The following ENTPD7 variants were observed in gnomAD, a reference collection of about 807,000 sequenced individuals.
ENTPD7 encodes ectonucleoside triphosphate diphosphohydrolase 7, also known as NTPDase 7.
In ENTPD7, 53 loss-of-function variants were observed where a neutral mutation model predicts 77.9. That is an observed-to-expected ratio of 0.68 (90% CI 0.55 to 0.85). The LOEUF is 0.85. Among genes scored for constraint, ENTPD7 ranks in the 40% least tolerant of loss-of-function variants. The probability of loss-of-function intolerance (pLI) is 0.00; values close to 1 mark genes in which losing one functional copy is unlikely to be tolerated. For missense variants in ENTPD7, 636 were observed against 743.7 expected (o/e 0.86, Z 1.68); for synonymous variants, 248 against 274.9 (o/e 0.90, Z 0.97).
Position 99,659,762 on chromosome 10 carries a change from C to T in ENTPD7, c.-95-100C>T. The T allele has an allele frequency of 1.5e-6, 1 of 682,868 alleles. No individual in the cohort carries two copies. Among genetic ancestry groups the T allele is most frequent in the Non-Finnish European group, 2.4e-6 (1 of 417,666 alleles). 42.3% of individuals were successfully genotyped at this position (682,868 alleles called of 1,614,324 possible). A position where few individuals can be genotyped will look rare whatever the true frequency, so the allele number is the denominator to read the frequency against. ...CCTGGGCCTGAGGAACCAGAGCAGA[C>T]GGAGCGGGAGCCTGGGGAGGAGGTG... On this transcript the variant is annotated intron_variant, in intron 1 of 12. Coordinates refer to ENST00000370489, the MANE Select transcript of ENTPD7 (RefSeq NM_020354.5). This position sits in a 1 kb window ranked among gnomAD's most constrained non-coding sequence, Gnocchi z 4.1.
At chr10:99,674,651 A>G (rs1461332334) in intron 3 of ENTPD7, among the ~76,000 whole-genome samples, 1 of 152,252 alleles carries the variant, frequency 6.6e-6, no homozygotes, top group African/African-American at 2.4e-5. Context: ...AAGGCGGAAT[A>G]ATATATCATT....
Position 99,659,775 on chromosome 10 carries a change from T to G in ENTPD7, c.-95-87T>G. ...AACCAGAGCAGACGGAGCGGGAGCC[T>G]GGGGAGGAGGTGGGAGCCGTGGAAT... On this transcript the variant is annotated intron_variant, in intron 1 of 12. Coordinates refer to ENST00000370489, the MANE Select transcript of ENTPD7 (RefSeq NM_020354.5). The surrounding 1 kb of genome is among the most constrained non-coding windows in gnomAD (Gnocchi z 4.1). 1 of 750,518 alleles carries G rather than the reference T, an allele frequency of 1.3e-6. No individual in the cohort carries two copies. Among genetic ancestry groups the G allele is most frequent in the Non-Finnish European group, 2.1e-6 (1 of 470,138 alleles). The allele number at this position is 750,518 out of a possible 1,614,324, so 46.5% of individuals were successfully genotyped here.
intron 3 of ENTPD7, among the ~76,000 whole-genome samples, chr10:99,666,498 C>T (rs117821206): frequency 6.6e-6 from 1 of 152,172 alleles, no homozygotes; most frequent in Admixed American, 6.5e-5. Context: ...CATGAGCCAT[C>T]GTGCCCAGCC....
At chr10:99,668,242 A>G (rs985936556) in intron 3 of ENTPD7, among the ~76,000 whole-genome samples, 1 of 152,074 alleles carries the variant, frequency 6.6e-6, no homozygotes, top group Non-Finnish European at 1.5e-5. Flanking sequence ...GCCATTAATG[A>G]TAATTTTAAA....
In ENTPD7 at chr10:99,711,077, G is replaced by A; in HGVS notation, c.*6394G>A. 1 of 969,856 alleles carries A rather than the reference G, an allele frequency of 1.0e-6. No individual in the cohort carries two copies. Among genetic ancestry groups the A allele is most frequent in the Non-Finnish European group, 1.2e-6 (1 of 825,302 alleles). The allele number at this position is 969,856 out of a possible 1,614,324, so 60.1% of individuals were successfully genotyped here. A position where few individuals can be genotyped will look rare whatever the true frequency, so the allele number is the denominator to read the frequency against. ...TAATTCAATATTTGATATGTGTCTG[G>A]GAGTGCTGGGAATAACATAAATACA... On this transcript the variant is annotated 3_prime_UTR_variant, in exon 13 of 13. Coordinates refer to ENST00000370489, the MANE Select transcript of ENTPD7 (RefSeq NM_020354.5).
rs2036296680 is a variant in ENTPD7 at position 99,708,569 on chromosome 10, G to A, written c.*3886G>A. Among the ~76,000 whole-genome samples the A allele has an allele frequency of 6.6e-6, 1 of 152,108 alleles. No individual in the cohort carries two copies. Among genetic ancestry groups the A allele is most frequent in the Non-Finnish European group, 1.5e-5 (1 of 68,010 alleles). ...ATTAGAAACTAAAGGCAGAAGACAA[G>A]GTAGAAAAATCATATGATTTTGGGA... On this transcript the variant is annotated 3_prime_UTR_variant, in exon 13 of 13. Transcript: ENST00000370489.
At chr10:99,667,105 G>A (rs2035560009) in intron 3 of ENTPD7, among the ~76,000 whole-genome samples, 2 of 152,238 alleles carry the variant, frequency 1.3e-5, no homozygotes, top group Non-Finnish European at 2.9e-5. Context: ...ATTGAAACAA[G>A]TTAGCAATAG....
chr10:99,703,484 AT>A (rs1158270433), intron 12 of ENTPD7, among the ~76,000 whole-genome samples: 2 of 152,138 alleles, frequency 1.3e-5, no homozygotes, highest in Admixed American at 6.5e-5. Flanking sequence ...AGAAATCCAT[AT>A]TTTTTATGAA....
At chr10:99,699,086 T>C (rs2036051509) in intron 10 of ENTPD7, among the ~76,000 whole-genome samples, 1 of 152,232 alleles carries the variant, frequency 6.6e-6, no homozygotes, top group Non-Finnish European at 1.5e-5. Flanking sequence ...ATGGATGTCA[T>C]ACCACCCAAA....
At position 99,709,163 on chromosome 10, in the gene ENTPD7, G is replaced by C; in HGVS notation, c.*4480G>C. On this transcript the variant is annotated 3_prime_UTR_variant, in exon 13 of 13. Coordinates refer to ENST00000370489, the MANE Select transcript of ENTPD7 (RefSeq NM_020354.5). ...ATTAGATGACTACAGCCTAGATGAA[G>C]GTATAAATGCCTATTACATCTACCT... 1.0e-6 allele frequency: 1 copy of C among 985,058 alleles called. No homozygotes were observed. The allele number at this position is 985,058 out of a possible 1,614,324, so 61.0% of individuals were successfully genotyped here.
Position 99,706,357 on chromosome 10 carries a change from A to AG in ENTPD7, c.*1677dup, listed in dbSNP as rs2036253034. ...GTTCCTTTTTTTTTTTCTTGGAGAC[A>AG]GGGCCTCACGCTGTCACCCAGGCTG... On this transcript the variant is annotated 3_prime_UTR_variant, in exon 13 of 13. Coordinates refer to ENST00000370489, the MANE Select transcript of ENTPD7 (RefSeq NM_020354.5). 1 of 151,544 alleles carries AG rather than the reference A, an allele frequency of 6.6e-6. No individual in the cohort carries two copies. Among genetic ancestry groups the AG allele is most frequent in the South Asian group, 2.1e-4 (1 of 4,794 alleles). 9.4% of individuals were successfully genotyped at this position (151,544 alleles called of 1,614,324 possible). A position where few individuals can be genotyped will look rare whatever the true frequency, so the allele number is the denominator to read the frequency against.
chr10:99,677,700 T>C (rs1343402959), intron 3 of ENTPD7, among the ~76,000 whole-genome samples: 1 of 152,164 alleles, frequency 6.6e-6, no homozygotes, highest in East Asian at 1.9e-4. Flanking sequence ...CTCTTAGTCT[T>C]CTTTATTTTC....
chr10:99,694,309 G>T (rs937795019), intron 8 of ENTPD7, among the ~76,000 whole-genome samples: 2 of 152,058 alleles, frequency 1.3e-5, no homozygotes, highest in Admixed American at 6.6e-5. Flanking sequence ...TTTATGTCTG[G>T]CTTCTTTTAT....
In ENTPD7 at chr10:99,702,923, CTTTA is replaced by C. The variant is rs72385091; in HGVS notation, c.1583+254_1583+257del. Among the ~76,000 whole-genome samples, 232 of 152,280 alleles carry C rather than the reference CTTTA, an allele frequency of 1.5e-3. 1 individual carries two copies. Among genetic ancestry groups the C allele is most frequent in the African/African-American group, 5.4e-3 (225 of 41,554 alleles). On this transcript the variant is annotated intron_variant, in intron 12 of 12. Transcript: ENST00000370489. ...CAGCTTTGCTGTTTCAGAAATCCAG[CTTTA>C]TTTGTTTACTCACAACAAACCAGTC... is the stretch of plus-strand genomic sequence containing the variant.
intron 7 of ENTPD7, among the ~76,000 whole-genome samples, chr10:99,690,956 T>C (rs2035874942): frequency 6.6e-6 from 1 of 152,208 alleles, no homozygotes; most frequent in Non-Finnish European, 1.5e-5. Flanking sequence ...ATTCTTTGTG[T>C]AATATATAGT....
Position 99,710,735 on chromosome 10 carries a change from A to T in ENTPD7, c.*6052A>T. 3.0e-6 allele frequency: 3 copies of T among 985,424 alleles called. No individual in the cohort carries two copies. The highest frequency in any genetic ancestry group is 3.6e-6 in the Non-Finnish European group (3 of 829,926). The allele number at this position is 985,424 out of a possible 1,614,324, so 61.0% of individuals were successfully genotyped here. A position where few individuals can be genotyped will look rare whatever the true frequency, so the allele number is the denominator to read the frequency against. ...AAGGGTAGCTGTAGATAAACTGGTT[A>T]TCCTAAAATCATGATTATCAGTGTT... On this transcript the variant is annotated 3_prime_UTR_variant, in exon 13 of 13. Transcript: ENST00000370489.
intron 3 of ENTPD7, among the ~76,000 whole-genome samples, chr10:99,667,334 G>A (rs972287812): frequency 5.9e-5 from 9 of 152,206 alleles, no homozygotes; most frequent in African/African-American, 2.2e-4. Context: ...CTCTATGATA[G>A]CACTGGAGTA....
intron 3 of ENTPD7, among the ~76,000 whole-genome samples, chr10:99,679,019 C>T (rs191168269): frequency 1.3e-5 from 2 of 151,792 alleles, no homozygotes; most frequent in Non-Finnish European, 2.9e-5. Context: ...AGAGCTGCCC[C>T]CACACGTGGG....
chr10:99,667,952 T>TG (rs2035571526), intron 3 of ENTPD7, among the ~76,000 whole-genome samples: 1 of 147,290 alleles, frequency 6.8e-6, no homozygotes, highest in Non-Finnish European at 1.5e-5. Flanking sequence ...TTTTTTTTTT[T>TG]GAGACAGAGT....
Sources: gnomAD v4.1 joint callset for allele counts (sites outside exome capture counted in the v4.1 genomes callset) on GRCh38, gnomAD v4.1.1 for gene constraint, Gnocchi (gnomAD v3.1) non-coding constraint, MANE v1.5 for transcripts, NCBI Gene and HGNC (gene_info 2026-07-23, HGNC 2026-07-21) for gene names.